CELF2: variants seen among roughly 807,000 people sequenced by gnomAD.
The protein encoded by CELF2 is CUG triplet repeat RNA-binding protein 2.
CELF2 carries 8 observed loss-of-function variants against 62.6 expected under a neutral mutation model. The observed-to-expected ratio is 0.13, with a 90% CI of 0.07 to 0.23. The LOEUF is 0.23. Among genes scored for constraint, CELF2 ranks in the 10% least tolerant of loss-of-function variants. The probability of loss-of-function intolerance (pLI) is 1.00; values close to 1 mark genes in which losing one functional copy is unlikely to be tolerated. For synonymous variants in CELF2, 258 were observed against 250.0 expected, an observed-to-expected ratio of 1.03 and a Z score of -0.30; for missense variants, 333 against 671.0, an observed-to-expected ratio of 0.50 and a Z score of 5.56.
rs2071794324 is a variant in CELF2 at position 11,237,321 on chromosome 10, G to C, written c.355-11832G>C. Reference sequence around the variant, plus strand: ...AGCTGGAAGAGCTGCCCCCATCCCGGGGTTGATGTCCCCATAAGCCGTGGT... The same window carrying C: ...AGCTGGAAGAGCTGCCCCCATCCCGCGGTTGATGTCCCCATAAGCCGTGGT... On this transcript the variant is annotated intron_variant, in intron 3 of 12. Transcript: ENST00000633077. This position sits in a 1 kb window ranked among gnomAD's most constrained non-coding sequence, Gnocchi z 4.0. Among the ~76,000 whole-genome samples the C allele has an allele frequency of 6.6e-6, 1 of 152,168 alleles. No individual in the cohort carries two copies. Among genetic ancestry groups the C allele is most frequent in the African/African-American group, 2.4e-5 (1 of 41,432 alleles).
intron 1 of CELF2, among the ~76,000 whole-genome samples, chr10:11,056,045 T>G (rs1487006078): frequency 6.6e-6 from 1 of 152,224 alleles, no homozygotes; most frequent in Non-Finnish European, 1.5e-5. Context: ...TTTTAAACAA[T>G]TGGTTTCAGC....
Position 11,255,264 on chromosome 10 carries a change from G to A in CELF2, c.404-2474G>A, listed in dbSNP as rs188786845. 2.6e-5 allele frequency among the ~76,000 whole-genome samples: 4 copies of A among 152,288 alleles called. No individual in the cohort carries two copies. The highest frequency in any genetic ancestry group is 4.8e-5 in the African/African-American group (2 of 41,554). ...GTCTCCCTCCCAGGAATTGGAGCCC[G>A]GGGTGCCTGTTGCCCATGTCTCCTC... On this transcript the variant is annotated intron_variant, in intron 4 of 12. Coordinates refer to ENST00000633077, the MANE Select transcript of CELF2 (RefSeq NM_001326342.2). This position sits in a 1 kb window ranked among gnomAD's most constrained non-coding sequence, Gnocchi z 5.5.
At chr10:10,623,730 G>C in the CELF2 span, among the ~76,000 whole-genome samples, 1 of 152,222 alleles carries the variant, frequency 6.6e-6, no homozygotes, top group Non-Finnish European at 1.5e-5. Context: ...GTTAAAAAGA[G>C]CTTACGTTCA....
chr10:11,114,484 A>G (rs933951525), intron 1 of CELF2, among the ~76,000 whole-genome samples: 9 of 152,212 alleles, frequency 5.9e-5, no homozygotes, highest in African/African-American at 1.9e-4. Flanking sequence ...AAGCCACTTA[A>G]TGACTCTTTA....
chr10:11,275,000 T>G, intron 7 of CELF2, 57 bp from the exon 8 acceptor site: 2 of 1,503,002 alleles, frequency 1.3e-6, no homozygotes, highest in Middle Eastern at 1.7e-4. Context: ...CCCAGTTTAA[T>G]GAGGGAGTTA....
chr10:10,990,533 C>T lies in CELF2; in HGVS notation c.89+70534C>T, dbSNP rs2053309491. On this transcript the variant is annotated intron_variant, in intron 2 of 13. Coordinates refer to the CELF2 transcript ENST00000636488. This position sits in a 1 kb window ranked among gnomAD's most constrained non-coding sequence, Gnocchi z 4.6. ...GAATCATGTTCTATGTCCAAATTAT[C>T]ACTAAATCTGAGTTAATGGCATCTA... Among the ~76,000 whole-genome samples the T allele has an allele frequency of 1.3e-5, 2 of 152,100 alleles. No homozygotes were observed. The highest frequency in any genetic ancestry group is 4.1e-4 in the South Asian group (2 of 4,830).
chr10:10,940,560 A>G (rs181907235), intron 2 of CELF2, among the ~76,000 whole-genome samples: 1 of 152,352 alleles, frequency 6.6e-6, no homozygotes, highest in Admixed American at 6.5e-5. Context: ...TTTATGTTCT[A>G]CTAACATATT....
At chr10:11,233,228 G>A (rs945744041) in intron 3 of CELF2, among the ~76,000 whole-genome samples, 7 of 152,076 alleles carry the variant, frequency 4.6e-5, no homozygotes, top group Non-Finnish European at 7.4e-5. Flanking sequence ...CAGAGCTGAG[G>A]GAAAAAGAGA....
At chr10:10,652,897 C>A in the CELF2 span, among the ~76,000 whole-genome samples, 2 of 152,000 alleles carry the variant, frequency 1.3e-5, no homozygotes, top group Non-Finnish European at 2.9e-5. Flanking sequence ...GGATTAAATT[C>A]TCCAATTAAA....
chr10:11,272,149 T>C (rs1221337364), intron 7 of CELF2, among the ~76,000 whole-genome samples: 1 of 152,232 alleles, frequency 6.6e-6, no homozygotes, highest in Non-Finnish European at 1.5e-5. Context: ...AGCATCCTTT[T>C]CCTGTCTTCC....
At chr10:10,539,571 C>G in the CELF2 span, among the ~76,000 whole-genome samples, 1 of 152,086 alleles carries the variant, frequency 6.6e-6, no homozygotes, top group Non-Finnish European at 1.5e-5. Context: ...GCCATATTCC[C>G]TGAACCAGGG....
intron 2 of CELF2, among the ~76,000 whole-genome samples, chr10:10,960,757 G>A (rs995682909): frequency 6.6e-6 from 1 of 152,240 alleles, no homozygotes; most frequent in Non-Finnish European, 1.5e-5. Context: ...TTTAGCTCAA[G>A]GCAGAGTTAG....
At chr10:10,648,234 T>C in the CELF2 span, among the ~76,000 whole-genome samples, 5 of 152,200 alleles carry the variant, frequency 3.3e-5, no homozygotes, top group Admixed American at 2.0e-4. Flanking sequence ...TGGTCTCTTC[T>C]ATATCAACAT....
chr10:10,829,051 A>G (rs926782318), intron 1 of CELF2, among the ~76,000 whole-genome samples: 2 of 152,236 alleles, frequency 1.3e-5, no homozygotes, highest in African/African-American at 4.8e-5. Flanking sequence ...TGTAATATAG[A>G]TTTATAAGTT....
At chr10:10,819,443 G>T (rs1190161826) in intron 1 of CELF2, among the ~76,000 whole-genome samples, 2 of 152,026 alleles carry the variant, frequency 1.3e-5, no homozygotes, top group Non-Finnish European at 2.9e-5. Context: ...TTTTTGCCAG[G>T]GTTACCAATG....
chr10:10,746,602 C>G, the CELF2 span, among the ~76,000 whole-genome samples: 1 of 152,176 alleles, frequency 6.6e-6, no homozygotes, highest in East Asian at 1.9e-4. Context: ...ATCCTTCTGA[C>G]CTCCCTCTGC....
intron 2 of CELF2, chr10:10,948,136 G>C (rs1400435637): frequency 6.6e-6 from 1 of 152,272 alleles, no homozygotes; most frequent in Non-Finnish European, 1.5e-5. Flanking sequence ...TGGATGGAGA[G>C]AGGGATGGAA....
chr10:10,954,299 G>A (rs895603831), intron 2 of CELF2, among the ~76,000 whole-genome samples: 1 of 151,164 alleles, frequency 6.6e-6, no homozygotes, highest in Admixed American at 6.6e-5. Flanking sequence ...AGGCTGGAGT[G>A]CAGTGGCATG....
At chr10:10,830,395 T>C (rs2057752565) in intron 1 of CELF2, among the ~76,000 whole-genome samples, 1 of 152,238 alleles carries the variant, frequency 6.6e-6, no homozygotes, top group East Asian at 1.9e-4. Context: ...AGCTATTTTA[T>C]AGCAAGTCTT....
Sources: allele counts gnomAD v4.1 joint callset (sites outside exome capture counted in the v4.1 genomes callset), GRCh38; gene constraint gnomAD v4.1.1; non-coding constraint Gnocchi (gnomAD v3.1); transcripts MANE v1.5; gene names NCBI Gene and HGNC (gene_info 2026-07-23, HGNC 2026-07-21).